Variants in VPS26C observed in about 807,000 individuals in gnomAD.
VPS26C encodes vacuolar protein sorting-associated protein 26C.
Under a neutral mutation model 30.6 loss-of-function variants are expected in VPS26C, and 19 were observed. The ratio of observed to expected loss-of-function variants is 0.62; its 90% CI spans 0.43 to 0.91. VPS26C has a LOEUF of 0.91. VPS26C is among the 40% of genes least tolerant of loss of function. The pLI, the probability that VPS26C is intolerant of heterozygous loss-of-function variation, is 0.00. For synonymous variants in VPS26C, 132 were observed against 151.5 expected (o/e 0.87, Z 0.95); for missense variants, 318 against 385.1 (o/e 0.83, Z 1.46).
intron 1 of VPS26C, among the ~76,000 whole-genome samples, chr21:37,258,135 C>T (rs970655777): frequency 1.3e-5 from 2 of 152,240 alleles, no homozygotes; most frequent in Admixed American, 6.5e-5. Flanking sequence ...CAGCAGAAAC[C>T]CGTTCTAGGA....
At chr21:37,266,182 T>C (rs2086359219) in intron 1 of VPS26C, among the ~76,000 whole-genome samples, 1 of 152,074 alleles carries the variant, frequency 6.6e-6, no homozygotes. Flanking sequence ...CCTCCCAAAG[T>C]GCTGGTAATA....
chr21:37,265,909 T>C (rs1039454529), intron 1 of VPS26C, among the ~76,000 whole-genome samples: 1 of 128,538 alleles, frequency 7.8e-6, no homozygotes, highest in Non-Finnish European at 1.6e-5. Flanking sequence ...TAGCTTTTTC[T>C]CTTTTTTTTT....
At chr21:37,238,438 C>A (rs778560708) in intron 3 of VPS26C, 22 bp downstream of exon 3, 1 of 1,608,294 alleles carries the variant, frequency 6.2e-7, no homozygotes, top group Non-Finnish European at 8.5e-7. Flanking sequence ...AAGTCAGTCG[C>A]GTAGGACTAG....
At chr21:37,235,890 T>TTA (rs2086018838) in intron 3 of VPS26C, among the ~76,000 whole-genome samples, 2 of 144,866 alleles carry the variant, frequency 1.4e-5, no homozygotes, top group South Asian at 2.1e-4. Flanking sequence ...TTTTTTTTTT[T>TTA]AATTAAAAAA....
chr21:37,235,494 C>G (rs552574574), intron 3 of VPS26C, among the ~76,000 whole-genome samples: 1 of 152,248 alleles, frequency 6.6e-6, no homozygotes, highest in East Asian at 1.9e-4. Flanking sequence ...AAAGGGATGA[C>G]TAGGATCTCT....
intron 1 of VPS26C, among the ~76,000 whole-genome samples, chr21:37,249,417 A>C (rs1281188080): frequency 6.6e-6 from 1 of 152,234 alleles, no homozygotes; most frequent in African/African-American, 2.4e-5. Flanking sequence ...ATAAACCAAC[A>C]ACTAGTGAGA....
chr21:37,235,028 T>TG (rs2086005707), intron 3 of VPS26C, among the ~76,000 whole-genome samples: 1 of 150,086 alleles, frequency 6.7e-6, no homozygotes, highest in Non-Finnish European at 1.5e-5. Context: ...TTTTTTGAGA[T>TG]GGAGTTTCAC....
At chr21:37,262,225 G>C (rs2086312097) in intron 1 of VPS26C, among the ~76,000 whole-genome samples, 1 of 152,154 alleles carries the variant, frequency 6.6e-6, no homozygotes, top group Non-Finnish European at 1.5e-5. Flanking sequence ...AAGGACTCAG[G>C]TTGCGTCCCA....
At chr21:37,239,185 C>T (rs1012697003) in intron 2 of VPS26C, among the ~76,000 whole-genome samples, 1 of 152,210 alleles carries the variant, frequency 6.6e-6, no homozygotes, top group Non-Finnish European at 1.5e-5. Context: ...CTTCAAGGCA[C>T]GTATTCATGC....
At chr21:37,252,205 T>G (rs765879842) in intron 1 of VPS26C, among the ~76,000 whole-genome samples, 4 of 152,172 alleles carry the variant, frequency 2.6e-5, no homozygotes, top group Non-Finnish European at 5.9e-5. Flanking sequence ...TGGGAAAACA[T>G]GAGTGAGACA....
chr21:37,262,816 G>A (rs1298780521), intron 1 of VPS26C, among the ~76,000 whole-genome samples: 1 of 149,674 alleles, frequency 6.7e-6, no homozygotes, highest in African/African-American at 2.5e-5. Context: ...TGCCCAGGCT[G>A]GAGTGCAGTG....
At chr21:37,225,923 A>G (rs191599008) in intron 7 of VPS26C, 334 of 444,768 alleles carry the variant, frequency 7.5e-4, no homozygotes, top group African/African-American at 5.9e-3. Flanking sequence ...TTGCTTTCCT[A>G]AAAAGGATAT....
chr21:37,262,382 T>TC (rs962198969), intron 1 of VPS26C, among the ~76,000 whole-genome samples: 1 of 151,998 alleles, frequency 6.6e-6, no homozygotes, highest in African/African-American at 2.4e-5. Flanking sequence ...TTCTCCCTTT[T>TC]CCCCCCAGAT....
At chr21:37,242,749 C>A (rs748484314) in intron 1 of VPS26C, among the ~76,000 whole-genome samples, 2 of 152,164 alleles carry the variant, frequency 1.3e-5, no homozygotes, top group Non-Finnish European at 2.9e-5. Flanking sequence ...TAACCCTTTC[C>A]GTCAGTCTCA....
chr21:37,251,428 T>C (rs1433131563), intron 1 of VPS26C, among the ~76,000 whole-genome samples: 1 of 152,236 alleles, frequency 6.6e-6, no homozygotes, highest in Non-Finnish European at 1.5e-5. Context: ...TTATTGCATA[T>C]GAATCAGCAT....
intron 1 of VPS26C, chr21:37,261,722 T>C (rs1464207821): frequency 1.3e-5 from 2 of 151,968 alleles, no homozygotes; most frequent in Admixed American, 6.6e-5. Flanking sequence ...CAATCAAATC[T>C]TGTGGACACA....
intron 1 of VPS26C, among the ~76,000 whole-genome samples, chr21:37,250,633 T>TG (rs11416011): frequency 1 from 152,273 of 152,274 alleles, 76,136 homozygotes; most frequent in Middle Eastern, 1. Flanking sequence ...CTGGGCGCGG[T>TG]GCTCACGCCT....
intron 3 of VPS26C, among the ~76,000 whole-genome samples, chr21:37,236,884 T>C (rs1569234142): frequency 6.6e-6 from 1 of 152,226 alleles, no homozygotes; most frequent in Non-Finnish European, 1.5e-5. Context: ...ACTCTCCTAC[T>C]ATATTTTAAG....
intron 1 of VPS26C, among the ~76,000 whole-genome samples, chr21:37,264,685 C>T (rs541745471): frequency 3.0e-4 from 46 of 152,186 alleles, no homozygotes; most frequent in African/African-American, 8.4e-4. Context: ...AAATTGGAAC[C>T]GTCATACAGT....
Sources: allele counts gnomAD v4.1 joint callset (sites outside exome capture counted in the v4.1 genomes callset), GRCh38; gene constraint gnomAD v4.1.1; transcripts MANE v1.5; gene names NCBI Gene and HGNC (gene_info 2026-07-23, HGNC 2026-07-21).